The following ARHGEF17 variants were observed in gnomAD, a reference collection of about 807,000 sequenced individuals.
The protein encoded by ARHGEF17 is Rho guanine nucleotide exchange factor 17.
ARHGEF17 carries 80 observed loss-of-function variants against 174.0 expected under a neutral mutation model. The observed-to-expected ratio is 0.46, with a 90% CI of 0.38 to 0.55. The LOEUF is 0.55. ARHGEF17 is among the 20% of genes least tolerant of loss of function. The pLI is 0.00. For synonymous variants in ARHGEF17, 1,311 were observed against 1,189.1 expected, an observed-to-expected ratio of 1.10 and a Z score of -2.11; for missense variants, 2,886 against 2,839.7, an observed-to-expected ratio of 1.02 and a Z score of -0.37.
At chr11:73,360,236 G>C in intron 10 of ARHGEF17, 84 bp from the exon 11 acceptor site, 1 of 1,472,594 alleles carries the variant, frequency 6.8e-7, no homozygotes, top group Admixed American at 1.7e-5. Context: ...TGTCTAAGGA[G>C]AGAGGCAGGT....
Position 73,364,039 on chromosome 11 carries a change from C to T in ARHGEF17, c.5334-133C>T. On this transcript the variant is annotated intron_variant, in intron 16 of 20. Transcript: ENST00000263674. The stretch of plus-strand genomic sequence containing the variant: ...CCTTTTCTTAGCCTCAGGCAACCCC[C>T]ACCTGGAGAACAAGGGGTGGGAAGA... 5 of 1,102,280 alleles carry T rather than the reference C, an allele frequency of 4.5e-6. No individual in the cohort carries two copies. In the South Asian group the frequency reaches 5.7e-5, roughly 12 times the overall value. The allele number at this position is 1,102,280 out of a possible 1,614,324, so 68.3% of individuals were successfully genotyped here.
intron 1 of ARHGEF17, among the ~76,000 whole-genome samples, chr11:73,324,518 C>T (rs12280876): frequency 0.065 from 9,855 of 152,194 alleles, 1,139 homozygotes; most frequent in African/African-American, 0.23. Flanking sequence ...CGTCCCGAGT[C>T]GGCACTGATT....
Position 73,309,045 on chromosome 11 carries a change from C to T in ARHGEF17, c.407C>T (p.Pro136Leu). The T allele has an allele frequency of 6.8e-7, 1 of 1,473,424 alleles. No individual in the cohort carries two copies. The highest frequency in any genetic ancestry group is 1.7e-4 in the Middle Eastern group (1 of 5,730). The allele number at this position is 1,473,424 out of a possible 1,614,324, so 91.3% of individuals were successfully genotyped here. ...VTEMRKLFGGPGSRRPSADSE... is the reference protein window; with the variant it reads ...VTEMRKLFGGLGSRRPSADSE... Reference sequence around the variant, plus strand: ...GAGATGCGCAAGCTCTTCGGCGGTCCTGGCTCCAGGAGGCCCAGCGCCGAC... The same window carrying T: ...GAGATGCGCAAGCTCTTCGGCGGTCTTGGCTCCAGGAGGCCCAGCGCCGAC... Residue 136 changes from proline (P) to leucine (L), a missense_variant, in exon 1 of 21, where the codon CCT (proline) becomes CTT (leucine). By Grantham distance (98) the Pro-to-Leu change is moderately conservative. Around this residue, in one of 4 missense-constraint regions of ARHGEF17, gnomAD observed 1,728 missense variants for 1,461.2 expected, o/e 1.18. Transcript: ENST00000263674.
intron 2 of ARHGEF17, among the ~76,000 whole-genome samples, chr11:73,347,994 C>G (rs567139725): frequency 4.6e-5 from 7 of 152,278 alleles, no homozygotes; most frequent in African/African-American, 1.7e-4. Flanking sequence ...AGAAGCACAA[C>G]TGGAGCAAGG....
chr11:73,308,655 C>G lies in ARHGEF17; in HGVS notation c.17C>G (p.Pro6Arg), dbSNP rs1450743701. ...TACGCCACTATGGCGGACGGGGCAC[C>G]CCGGCCCCAGCTTTACCGCAGCGTC... is the stretch of plus-strand genomic sequence containing the variant. The part of the protein sequence containing the change: MADGA[P>R]RPQLYRSVSF... Residue 6 changes from proline (P) to arginine (R), a missense_variant, in exon 1 of 21, where the codon CCC becomes CGC. Transcript: ENST00000263674. 1.3e-6 allele frequency: 2 copies of G among 1,507,640 alleles called. No individual in the cohort carries two copies. Among genetic ancestry groups the G allele is most frequent in the Non-Finnish European group, 1.8e-6 (2 of 1,132,158 alleles). The allele number at this position is 1,507,640 out of a possible 1,614,324, so 93.4% of individuals were successfully genotyped here.
chr11:73,365,923 AC>A lies in ARHGEF17; in HGVS notation c.5975del (p.Pro1992HisfsTer94). ...AGATGGCTTCAACCTGCTCTGCCCAACCCCACCACCTCCCCCAGACACAGGT... is the reference window on the plus strand; with the variant it reads ...AGATGGCTTCAACCTGCTCTGCCCAACCCACCACCTCCCCCAGACACAGGT... ...LPDGFNLLCP[T>X]PPPPPDTGPE... is the part of the protein sequence containing the mutation. On this transcript the variant is annotated frameshift_variant, in exon 20 of 21. Transcript: ENST00000263674. LOFTEE classifies it high-confidence loss of function. This position sits in a 1 kb window ranked among gnomAD's most constrained non-coding sequence, Gnocchi z 4.9. 6.2e-7 allele frequency: 1 copy of A among 1,604,408 alleles called. No homozygotes were observed.
chr11:73,321,105 G>A (rs930281361), intron 1 of ARHGEF17, among the ~76,000 whole-genome samples: 14 of 152,222 alleles, frequency 9.2e-5, no homozygotes, highest in African/African-American at 1.7e-4. Context: ...CTTTCCAGCC[G>A]TGAAGCAGAA....
At chr11:73,339,472 A>G (rs1258105793) in intron 1 of ARHGEF17, among the ~76,000 whole-genome samples, 1 of 151,576 alleles carries the variant, frequency 6.6e-6, no homozygotes, top group African/African-American at 2.4e-5. Flanking sequence ...TTATCTGTCC[A>G]TTTGTTTGTT....
chr11:73,367,899 G>A lies in ARHGEF17; in HGVS notation c.*119G>A, dbSNP rs544326516. ...CAGCCAGGGGCACACATGTGCCTGCGTGGGCTCTGCCTTGTCTTCGCGGAA... is the reference window on the plus strand; with the variant it reads ...CAGCCAGGGGCACACATGTGCCTGCATGGGCTCTGCCTTGTCTTCGCGGAA... On this transcript the variant is annotated 3_prime_UTR_variant, in exon 21 of 21. Transcript: ENST00000263674. 19 of 1,104,284 alleles carry A rather than the reference G, an allele frequency of 1.7e-5. No homozygotes were observed. Among genetic ancestry groups the A allele is most frequent in the Non-Finnish European group, 2.2e-5 (17 of 786,310 alleles). The allele number at this position is 1,104,284 out of a possible 1,614,324, so 68.4% of individuals were successfully genotyped here.
chr11:73,341,844 C>G (rs991936839), intron 1 of ARHGEF17, among the ~76,000 whole-genome samples: 6 of 152,170 alleles, frequency 3.9e-5, no homozygotes, highest in African/African-American at 1.4e-4. Context: ...GAGAAGGAGT[C>G]AGCTGGGGGC....
In ARHGEF17 at chr11:73,369,171, C is replaced by T. The variant is rs1865890451; in HGVS notation, c.*1391C>T. The T allele has an allele frequency of 6.6e-6, 1 of 152,274 alleles. No homozygotes were observed. Among genetic ancestry groups the T allele is most frequent in the Non-Finnish European group, 1.5e-5 (1 of 68,038 alleles). 9.4% of individuals were successfully genotyped at this position (152,274 alleles called of 1,614,324 possible). A position where few individuals can be genotyped will look rare whatever the true frequency, so the allele number is the denominator to read the frequency against. ...ACATGGGCCTTCCGACGTCCACACA[C>T]TTGGGAAGAAGGGAGGCCTTGGAGA... On this transcript the variant is annotated 3_prime_UTR_variant, in exon 21 of 21. Transcript: ENST00000263674.
At chr11:73,326,386 C>T (rs996749885) in intron 1 of ARHGEF17, among the ~76,000 whole-genome samples, 5 of 152,126 alleles carry the variant, frequency 3.3e-5, no homozygotes, top group Non-Finnish European at 7.4e-5. Flanking sequence ...CCGGGAGTTC[C>T]TAAAGGCCAG....
At position 73,364,479 on chromosome 11, in the gene ARHGEF17, A is replaced by T. The variant is rs761831739; in HGVS notation, c.5429A>T (p.Lys1810Ile). 2.5e-6 allele frequency: 4 copies of T among 1,613,314 alleles called. No homozygotes were observed. The highest frequency in any genetic ancestry group is 2.7e-5 in the African/African-American group (2 of 74,872). The change falls in exon 18 of 21, where the codon AAA (lysine) becomes ATA (isoleucine). Residue 1810 changes from lysine to isoleucine, a missense_variant. Lys to Ile is a moderately radical substitution (Grantham distance 102). Around this residue, in one of 4 missense-constraint regions of ARHGEF17, gnomAD observed 329 missense variants for 435.2 expected, o/e 0.76. Transcript: ENST00000263674. ...CATTTCTGGGACCCCCAGAACTTCAAATCAGTGACCTTGGGCACCCAGGGG... is the reference window on the plus strand; with the variant it reads ...CATTTCTGGGACCCCCAGAACTTCATATCAGTGACCTTGGGCACCCAGGGG... ...AGHFWDPQNFKSVTLGTQGSP... is the reference protein window; with the variant it reads ...AGHFWDPQNFISVTLGTQGSP...
intron 1 of ARHGEF17, among the ~76,000 whole-genome samples, chr11:73,335,254 T>C (rs7342249): frequency 0.31 from 46,725 of 152,000 alleles, 9,427 homozygotes; most frequent in African/African-American, 0.58. Context: ...CAACCTCCCC[T>C]GCTCAGACTC....
rs766865859 is a variant in ARHGEF17, at chr11:73,362,502, C to T, written c.4764C>T (p.Val1588=). The change falls in exon 14 of 21, where the codon GTC becomes GTT. Residue 1588 remains valine (V), a synonymous_variant. Transcript: ENST00000263674. ...AGCCCGCCGGGCCGGAGCTGGACGT[C>T]GAGGCCGCTGCAGACGAGGAAGCCG... ...APEPAGPELD[V]EAAADEEAAT... is the part of the protein sequence containing the mutation. The T allele has an allele frequency of 1.2e-6, 2 of 1,602,124 alleles. No individual in the cohort carries two copies. Among genetic ancestry groups the T allele is most frequent in the East Asian group, 2.2e-5 (1 of 44,712 alleles).
chr11:73,361,351 T>G (rs907193862), intron 12 of ARHGEF17, among the ~76,000 whole-genome samples, 190 bp downstream of exon 12: 10 of 152,252 alleles, frequency 6.6e-5, no homozygotes, highest in Non-Finnish European at 8.8e-5. Context: ...ATGGGTATGC[T>G]TCGTGCATAT....
chr11:73,324,906 C>T (rs2135792327), intron 1 of ARHGEF17, among the ~76,000 whole-genome samples: 1 of 152,276 alleles, frequency 6.6e-6, no homozygotes, highest in South Asian at 2.1e-4. Flanking sequence ...GTGACAGGCA[C>T]AGAAGGAATG....
chr11:73,349,060 A>G (rs1291816076), intron 2 of ARHGEF17, among the ~76,000 whole-genome samples: 1 of 152,198 alleles, frequency 6.6e-6, no homozygotes, highest in African/African-American at 2.4e-5. Flanking sequence ...GCTGCTGGGC[A>G]TGGAGCTGGG....
At chr11:73,320,251 T>A (rs1399053212) in intron 1 of ARHGEF17, among the ~76,000 whole-genome samples, 1 of 152,024 alleles carries the variant, frequency 6.6e-6, no homozygotes, top group Non-Finnish European at 1.5e-5. Context: ...ACGCTGGCTT[T>A]CAGACCCAGG....
Sources: allele counts gnomAD v4.1 joint callset (sites outside exome capture counted in the v4.1 genomes callset), GRCh38; gene constraint gnomAD v4.1.1; regional missense constraint gnomAD v4.1.1; non-coding constraint Gnocchi (gnomAD v3.1); transcripts MANE v1.5; gene names NCBI Gene and HGNC (gene_info 2026-07-23, HGNC 2026-07-21).